The following ZBTB20 variants were observed in gnomAD, a reference collection of about 807,000 sequenced individuals.
The protein encoded by ZBTB20 is zinc finger and BTB domain containing 20.
Under a neutral mutation model 56.9 loss-of-function variants are expected in ZBTB20, and 9 were observed. The ratio of observed to expected loss-of-function variants is 0.16; its 90% CI spans 0.10 to 0.28. The LOEUF is 0.28. Ranked by LOEUF, ZBTB20 falls within the 10% of genes least tolerant of loss-of-function variation. The pLI, the probability that ZBTB20 is intolerant of heterozygous loss-of-function variation, is 1.00. For synonymous variants in ZBTB20, 417 were observed against 420.7 expected (o/e 0.99, Z 0.11); for missense variants, 655 against 1,003.0 (o/e 0.65, Z 4.69).
At chr3:114,867,598 G>A (rs1226503663) in intron 4 of ZBTB20, among the ~76,000 whole-genome samples, 1 of 152,020 alleles carries the variant, frequency 6.6e-6, no homozygotes, top group Non-Finnish European at 1.5e-5. Flanking sequence ...ACCACGCCCG[G>A]CTAACTTGGT....
chr3:114,476,865 T>C (rs1412560973), intron 7 of ZBTB20, among the ~76,000 whole-genome samples: 1 of 152,232 alleles, frequency 6.6e-6, no homozygotes, highest in Non-Finnish European at 1.5e-5. Flanking sequence ...GGTTGCAGTT[T>C]AGGGCTAGAC....
At chr3:114,849,647 T>C (rs535985810) in intron 4 of ZBTB20, among the ~76,000 whole-genome samples, 1 of 152,224 alleles carries the variant, frequency 6.6e-6, no homozygotes, top group Non-Finnish European at 1.5e-5. Context: ...ATGCTTTGTA[T>C]TGTTAAGTAA....
chr3:114,491,593 G>A (rs1247999063), intron 7 of ZBTB20, among the ~76,000 whole-genome samples: 4 of 151,938 alleles, frequency 2.6e-5, no homozygotes, highest in African/African-American at 9.7e-5. Flanking sequence ...CTCTCCACTT[G>A]TACTCAGGAT....
intron 6 of ZBTB20, among the ~76,000 whole-genome samples, chr3:114,639,222 G>A (rs1560072390): frequency 6.6e-6 from 1 of 152,070 alleles, no homozygotes; most frequent in African/African-American, 2.4e-5. Context: ...AGAGAAATGA[G>A]TAGCTTTGGG....
intron 5 of ZBTB20, among the ~76,000 whole-genome samples, chr3:114,785,346 GA>G (rs1401348272): frequency 6.6e-6 from 1 of 152,096 alleles, no homozygotes; most frequent in Non-Finnish European, 1.5e-5. Flanking sequence ...AATACAACAG[GA>G]AAGGATAATC....
At chr3:114,506,560 T>C (rs1264100479) in intron 6 of ZBTB20, among the ~76,000 whole-genome samples, 1 of 152,148 alleles carries the variant, frequency 6.6e-6, no homozygotes, top group East Asian at 1.9e-4. Flanking sequence ...CATGATGACA[T>C]TCAGGAATCC....
intron 6 of ZBTB20, among the ~76,000 whole-genome samples, chr3:114,648,973 C>T (rs982588935): frequency 6.6e-6 from 1 of 151,938 alleles, no homozygotes; most frequent in African/African-American, 2.4e-5. Context: ...TTGACCTATA[C>T]GTTACTAAAT....
At chr3:114,516,129 C>T (rs993712499) in intron 6 of ZBTB20, among the ~76,000 whole-genome samples, 1 of 151,630 alleles carries the variant, frequency 6.6e-6, no homozygotes, top group Admixed American at 6.6e-5. Flanking sequence ...AATTTACATA[C>T]AATAAAATTC....
chr3:115,004,701 G>A (rs1198857066), intron 2 of ZBTB20, among the ~76,000 whole-genome samples: 2 of 151,424 alleles, frequency 1.3e-5, no homozygotes, highest in Non-Finnish European at 3.0e-5. Context: ...TATATTAAAG[G>A]GCATAATATT....
intron 5 of ZBTB20, among the ~76,000 whole-genome samples, chr3:114,726,665 C>A (rs1171326203): frequency 6.6e-6 from 1 of 152,076 alleles, no homozygotes; most frequent in East Asian, 1.9e-4. Context: ...GTAATCCCAG[C>A]ACTTTGGGAG....
intron 6 of ZBTB20, among the ~76,000 whole-genome samples, chr3:114,614,797 G>A (rs1055745361): frequency 1.2e-4 from 19 of 152,016 alleles, no homozygotes; most frequent in African/African-American, 4.6e-4. Context: ...GGTCGCCCAG[G>A]CTGGAGTGTG....
intron 3 of ZBTB20, among the ~76,000 whole-genome samples, chr3:114,909,936 T>C (rs1471775453): frequency 6.6e-6 from 1 of 151,684 alleles, no homozygotes; most frequent in Non-Finnish European, 1.5e-5. Context: ...GTAACAATAA[T>C]ACTGAGCATA....
intron 10 of ZBTB20, among the ~76,000 whole-genome samples, chr3:114,353,818 T>C (rs920122576): frequency 6.6e-6 from 1 of 152,218 alleles, no homozygotes; most frequent in Non-Finnish European, 1.5e-5. Flanking sequence ...GGGAAGTAGA[T>C]GATATTATTC....
intron 3 of ZBTB20, among the ~76,000 whole-genome samples, chr3:114,905,985 C>A (rs1038396056): frequency 1.3e-5 from 2 of 151,830 alleles, no homozygotes; most frequent in African/African-American, 4.8e-5. Flanking sequence ...GATACCTCCA[C>A]TATTTTATTC....
Position 114,547,457 on chromosome 3 carries a change from C to T in ZBTB20, c.-294-47066G>A, listed in dbSNP as rs141897964. Among the ~76,000 whole-genome samples, 302 of 152,214 alleles carry T rather than the reference C, an allele frequency of 2.0e-3. 1 individual carries two copies. The highest frequency in any genetic ancestry group is 6.9e-3 in the African/African-American group (285 of 41,528). ...AGAACTGGCAGAATTTAGTGACTGA[C>T]TGAATGGTAATGAAGGGCAAAAGAA... On this transcript the variant is annotated intron_variant, in intron 6 of 11. Coordinates refer to ENST00000675478, the MANE Select transcript of ZBTB20 (RefSeq NM_001348800.3).
intron 7 of ZBTB20, among the ~76,000 whole-genome samples, chr3:114,484,740 C>T (rs899021936): frequency 6.6e-6 from 1 of 151,892 alleles, no homozygotes; most frequent in Non-Finnish European, 1.5e-5. Context: ...CAGAGAGGCC[C>T]CATTATAGGC....
chr3:114,671,819 A>C (rs1023933252), intron 6 of ZBTB20, among the ~76,000 whole-genome samples: 14 of 152,110 alleles, frequency 9.2e-5, no homozygotes, highest in African/African-American at 3.1e-4. Flanking sequence ...ATTTGAGAAA[A>C]GGAAGGGCAT....
intron 2 of ZBTB20, among the ~76,000 whole-genome samples, chr3:114,983,170 G>GT (rs2078398059): frequency 1.3e-5 from 2 of 151,854 alleles, no homozygotes; most frequent in African/African-American, 4.8e-5. Flanking sequence ...AATATACATT[G>GT]TTTCAGCAAA....
intron 5 of ZBTB20, among the ~76,000 whole-genome samples, chr3:114,758,600 C>T (rs1050403747): frequency 2.4e-4 from 36 of 152,230 alleles, no homozygotes; most frequent in Admixed American, 5.9e-4. Context: ...GATAATTTTA[C>T]ACATATATCC....
Sources: allele counts gnomAD v4.1 joint callset (sites outside exome capture counted in the v4.1 genomes callset), GRCh38; gene constraint gnomAD v4.1.1; transcripts MANE v1.5; gene names NCBI Gene and HGNC (gene_info 2026-07-23, HGNC 2026-07-21).